The following TSGA10 variants were observed in gnomAD, a reference collection of about 807,000 sequenced individuals.
TSGA10 encodes the protein testis-specific gene 10 protein.
In TSGA10, 43 loss-of-function variants were observed where a neutral mutation model predicts 96.6. The ratio of observed to expected loss-of-function variants is 0.44; its 90% confidence interval spans 0.35 to 0.57. The LOEUF is 0.57. TSGA10 is among the 20% of genes least tolerant of loss of function. The probability of loss-of-function intolerance (pLI) is 0.01; values close to 1 mark genes in which losing one functional copy is unlikely to be tolerated. For synonymous variants in TSGA10, 229 were observed against 269.9 expected, an observed-to-expected ratio of 0.85 and a Z score of 1.48; for missense variants, 703 against 834.4, an observed-to-expected ratio of 0.84 and a Z score of 1.94.
At chr2:99,050,329 C>A (rs1474286885) in intron 16 of TSGA10, among the ~76,000 whole-genome samples, 2 of 152,144 alleles carry the variant, frequency 1.3e-5, no homozygotes, top group Non-Finnish European at 2.9e-5. Context: ...ACTTCTTGAG[C>A]ACTGACATGA....
chr2:99,134,472 A>T (rs1373001372), intron 1 of TSGA10, among the ~76,000 whole-genome samples: 3 of 152,072 alleles, frequency 2.0e-5, no homozygotes, highest in South Asian at 2.1e-4. Context: ...TCTAGTTAGC[A>T]ATTCCTCTAA....
intron 10 of TSGA10, among the ~76,000 whole-genome samples, chr2:99,082,517 TCG>T (rs1332136725): frequency 6.6e-6 from 1 of 152,178 alleles, no homozygotes; most frequent in Non-Finnish European, 1.5e-5. Flanking sequence ...TTTCTCTAAC[TCG>T]CTTGGGTATA....
At chr2:99,034,663 T>C (rs1432257451) in intron 17 of TSGA10, among the ~76,000 whole-genome samples, 1 of 152,148 alleles carries the variant, frequency 6.6e-6, no homozygotes, top group Non-Finnish European at 1.5e-5. Context: ...GAGTATCTCC[T>C]TGTGTACTCC....
chr2:99,144,690 A>G (rs948064921), intron 1 of TSGA10, among the ~76,000 whole-genome samples: 1 of 150,028 alleles, frequency 6.7e-6, no homozygotes, highest in African/African-American at 2.4e-5. Context: ...AAGCATGAGG[A>G]TAAGTCTGGT....
At chr2:99,110,251 A>G (rs1353042389) in intron 5 of TSGA10, among the ~76,000 whole-genome samples, 1 of 152,228 alleles carries the variant, frequency 6.6e-6, no homozygotes, top group Admixed American at 6.5e-5. Flanking sequence ...GAATAAATTA[A>G]CTGAATGCTG....
chr2:99,121,377 T>C (rs1559082144), intron 2 of TSGA10, among the ~76,000 whole-genome samples: 1 of 6,968 alleles, frequency 1.4e-4, no homozygotes, highest in Non-Finnish European at 3.2e-4. Context: ...TATTTCATCA[T>C]GGCCTTAATT....
chr2:99,014,209 C>T (rs925713154), intron 20 of TSGA10, among the ~76,000 whole-genome samples: 12 of 151,824 alleles, frequency 7.9e-5, no homozygotes, highest in Admixed American at 5.9e-4. Flanking sequence ...GTGACGCATG[C>T]CTGTATTCCC....
chr2:99,136,058 A>G (rs1170932786), intron 1 of TSGA10, among the ~76,000 whole-genome samples: 1 of 151,414 alleles, frequency 6.6e-6, no homozygotes, highest in Non-Finnish European at 1.5e-5. Context: ...GAGTAAATGA[A>G]TTAATATATG....
intron 1 of TSGA10, among the ~76,000 whole-genome samples, chr2:99,149,177 A>AG (rs1249284309): frequency 1.3e-5 from 2 of 151,036 alleles, no homozygotes; most frequent in Non-Finnish European, 3.0e-5. Context: ...CTCAAAAAAA[A>AG]AAAAAAAATG....
intron 10 of TSGA10, among the ~76,000 whole-genome samples, chr2:99,099,599 A>G (rs1339798735): frequency 1.3e-5 from 2 of 152,194 alleles, no homozygotes; most frequent in Admixed American, 1.3e-4. Context: ...TTCAACATTC[A>G]TGTATGATTT....
chr2:99,054,153 A>G (rs1482075355), intron 16 of TSGA10, among the ~76,000 whole-genome samples: 1 of 152,216 alleles, frequency 6.6e-6, no homozygotes, highest in East Asian at 1.9e-4. Flanking sequence ...ATCAAAACAG[A>G]ATGGTAGTGC....
chr2:99,064,464 T>G (rs1274577129), intron 16 of TSGA10, among the ~76,000 whole-genome samples: 1 of 152,164 alleles, frequency 6.6e-6, no homozygotes, highest in Non-Finnish European at 1.5e-5. Context: ...TATACATTAT[T>G]TGTGGGTGTA....
chr2:99,139,469 G>C (rs966092748), intron 1 of TSGA10, among the ~76,000 whole-genome samples: 14 of 152,202 alleles, frequency 9.2e-5, no homozygotes, highest in Admixed American at 3.3e-4. Flanking sequence ...TCTGAAATCT[G>C]GTTCCACAAA....
intron 10 of TSGA10, among the ~76,000 whole-genome samples, chr2:99,094,033 T>C (rs80040881): frequency 0.059 from 9,022 of 152,152 alleles, 517 homozygotes; most frequent in East Asian, 0.21. Flanking sequence ...CAAAAAAGCA[T>C]GGTACTGATA....
At chr2:99,040,200 A>T (rs1002239214) in intron 16 of TSGA10, among the ~76,000 whole-genome samples, 1 of 152,182 alleles carries the variant, frequency 6.6e-6, no homozygotes, top group African/African-American at 2.4e-5. Context: ...TCCCCCTAAG[A>T]ACTAGAACAA....
intron 20 of TSGA10, among the ~76,000 whole-genome samples, chr2:99,009,950 G>T (rs114240071): frequency 2.7e-3 from 415 of 152,304 alleles, no homozygotes; most frequent in African/African-American, 9.4e-3. Context: ...GTGAGTATGG[G>T]TAAAGGGCAT....
chr2:99,117,756 C>T lies in TSGA10; in HGVS notation c.-352G>A, dbSNP rs1335188256. The T allele has an allele frequency of 7.1e-6, 7 of 984,746 alleles. No homozygotes were observed. Among genetic ancestry groups the T allele is most frequent in the Non-Finnish European group, 8.4e-6 (7 of 829,156 alleles). The allele number at this position is 984,746 out of a possible 1,614,324, so 61.0% of individuals were successfully genotyped here. ...CCATGATTTGTCTGTTTGAGATCTTCAATCTGTTATTATCAGAAAAAAAAT... is the reference window on the plus strand; with the variant it reads ...CCATGATTTGTCTGTTTGAGATCTTTAATCTGTTATTATCAGAAAAAAAAT... On this transcript the variant is annotated 5_prime_UTR_variant, in exon 4 of 21. Coordinates refer to ENST00000393483, the MANE Select transcript of TSGA10 (RefSeq NM_025244.4).
intron 17 of TSGA10, among the ~76,000 whole-genome samples, chr2:99,025,907 T>G (rs1558763354): frequency 6.6e-6 from 1 of 152,216 alleles, no homozygotes; most frequent in African/African-American, 2.4e-5. Context: ...TTACAAAATA[T>G]TCTTCTTTTA....
At chr2:99,136,180 G>A (rs1448458448) in intron 1 of TSGA10, among the ~76,000 whole-genome samples, 1 of 152,104 alleles carries the variant, frequency 6.6e-6, no homozygotes, top group Non-Finnish European at 1.5e-5. Context: ...TGGCTATCAA[G>A]TCCTACTGCT....
Sources: gnomAD v4.1 joint callset for allele counts (sites outside exome capture counted in the v4.1 genomes callset) on GRCh38, gnomAD v4.1.1 for gene constraint, MANE v1.5 for transcripts, NCBI Gene and HGNC (gene_info 2026-07-23, HGNC 2026-07-21) for gene names.